The following RPH3A variants were observed in gnomAD, a reference collection of about 807,000 sequenced individuals.
RPH3A encodes the protein rabphilin 3A.
Under a neutral mutation model 102.2 loss-of-function variants are expected in RPH3A, and 48 were observed. The ratio of observed to expected loss-of-function variants is 0.47; its 90% CI spans 0.37 to 0.60. RPH3A has a LOEUF of 0.60. RPH3A is among the 20% of genes least tolerant of loss of function. The pLI, the probability that RPH3A is intolerant of heterozygous loss-of-function variation, is 0.00. For synonymous variants in RPH3A, 310 were observed against 324.3 expected (o/e 0.96, Z 0.47); for missense variants, 781 against 910.1 (o/e 0.86, Z 1.83).
chr12:112,722,832 G>A (rs1565860672), intron 1 of RPH3A, among the ~76,000 whole-genome samples: 1 of 152,206 alleles, frequency 6.6e-6, no homozygotes, highest in Non-Finnish European at 1.5e-5. Context: ...GTGACTTTGT[G>A]GGGCTGCCAT....
At chr12:112,888,153 C>T (rs2043035557) in intron 17 of RPH3A, among the ~76,000 whole-genome samples, 1 of 152,226 alleles carries the variant, frequency 6.6e-6, no homozygotes, top group Non-Finnish European at 1.5e-5. Context: ...TTCTTCTTGG[C>T]CAAACTGGAT....
chr12:112,727,458 GACACAC>G (rs60493848), intron 1 of RPH3A, among the ~76,000 whole-genome samples: 7 of 30,602 alleles, frequency 2.3e-4, no homozygotes, highest in African/African-American at 1.8e-3. Context: ...CACAGACACA[GACACAC>G]ACACACACAC....
chr12:112,739,597 G>A (rs2040694090), intron 1 of RPH3A, among the ~76,000 whole-genome samples: 2 of 152,204 alleles, frequency 1.3e-5, no homozygotes, highest in Non-Finnish European at 2.9e-5. Context: ...CATGAAAGGA[G>A]CTGTGGTTTA....
chr12:112,805,505 A>C (rs2041441739), intron 2 of RPH3A, among the ~76,000 whole-genome samples: 1 of 152,186 alleles, frequency 6.6e-6, no homozygotes, highest in Non-Finnish European at 1.5e-5. Flanking sequence ...GAGTTTCTCC[A>C]GTGAGGGGAC....
intron 1 of RPH3A, among the ~76,000 whole-genome samples, chr12:112,685,396 T>G (rs1230497532): frequency 6.6e-6 from 1 of 152,224 alleles, no homozygotes; most frequent in Non-Finnish European, 1.5e-5. Context: ...GGGATAATTG[T>G]ACTTAGTAAG....
At chr12:112,688,918 G>A (rs551954848) in intron 1 of RPH3A, among the ~76,000 whole-genome samples, 21 of 152,196 alleles carry the variant, frequency 1.4e-4, no homozygotes, top group Non-Finnish European at 2.9e-4. Context: ...GAGAGGGGAT[G>A]TATCTTATTC....
At chr12:112,821,961 G>A (rs1436238755) in intron 2 of RPH3A, among the ~76,000 whole-genome samples, 20 of 146,256 alleles carry the variant, frequency 1.4e-4, no homozygotes, top group African/African-American at 5.3e-4. Context: ...GATATTGATT[G>A]AATTTTACCC....
At chr12:112,757,047 A>G (rs1592982554) in intron 1 of RPH3A, among the ~76,000 whole-genome samples, 1 of 152,172 alleles carries the variant, frequency 6.6e-6, no homozygotes, top group East Asian at 1.9e-4. Context: ...TGAACTCTCT[A>G]TTCATTACCC....
intron 1 of RPH3A, among the ~76,000 whole-genome samples, chr12:112,591,035 C>T (rs931983496): frequency 6.6e-6 from 1 of 152,124 alleles, no homozygotes; most frequent in Non-Finnish European, 1.5e-5. Context: ...CTAGACTGGT[C>T]TTGCACTCCT....
chr12:112,727,442 T>A (rs1489169841), intron 1 of RPH3A, among the ~76,000 whole-genome samples: 1 of 93,824 alleles, frequency 1.1e-5, no homozygotes, highest in Non-Finnish European at 1.9e-5. Context: ...CACACATACA[T>A]ACACACACAG....
intron 2 of RPH3A, among the ~76,000 whole-genome samples, chr12:112,805,008 G>A (rs572992937): frequency 6.6e-6 from 1 of 152,062 alleles, no homozygotes; most frequent in African/African-American, 2.4e-5. Flanking sequence ...TGGGCAAAAT[G>A]TTGCCGACCG....
intron 1 of RPH3A, among the ~76,000 whole-genome samples, chr12:112,630,750 A>G (rs981696025): frequency 6.6e-6 from 1 of 152,176 alleles, no homozygotes; most frequent in Non-Finnish European, 1.5e-5. Context: ...TGCTCAATAC[A>G]TAATCGTTAA....
rs543193304 is a variant in RPH3A, at chr12:112,687,976, G to T, written c.-139-104167G>T. ...AATCATGCTGTGGTCTACCCCCAAGGCCCAAAAGGACAGCTCACAAAATAG... is the reference window on the plus strand; with the variant it reads ...AATCATGCTGTGGTCTACCCCCAAGTCCCAAAAGGACAGCTCACAAAATAG... On this transcript the variant is annotated intron_variant, in intron 1 of 21. Coordinates refer to the RPH3A transcript ENST00000543106. Among the ~76,000 whole-genome samples the T allele has an allele frequency of 2.0e-5, 3 of 152,230 alleles. No homozygotes were observed. In the South Asian group the frequency reaches 6.2e-4, roughly 32 times the overall value.
intron 1 of RPH3A, among the ~76,000 whole-genome samples, chr12:112,783,175 G>C (rs536778313): frequency 6.6e-6 from 1 of 152,144 alleles, no homozygotes; most frequent in Non-Finnish European, 1.5e-5. Context: ...GATATCTGTC[G>C]TGTCACGTTA....
chr12:112,575,326 C>CG (rs1452315379), intron 1 of RPH3A: 5 of 152,030 alleles, frequency 3.3e-5, no homozygotes, highest in Admixed American at 2.6e-4. Context: ...GCCGGTAAGG[C>CG]GGGCGGGGGC....
intron 1 of RPH3A, among the ~76,000 whole-genome samples, chr12:112,597,823 G>A (rs2135967003): frequency 6.6e-6 from 1 of 152,242 alleles, no homozygotes; most frequent in East Asian, 1.9e-4. Context: ...CATATAGAAG[G>A]AGCATAGACT....
At chr12:112,584,081 G>A (rs147426396) in intron 1 of RPH3A, among the ~76,000 whole-genome samples, 1 of 152,280 alleles carries the variant, frequency 6.6e-6, no homozygotes, top group East Asian at 1.9e-4. Context: ...CTAGGTTGGT[G>A]GGAGGGGACT....
chr12:112,616,908 C>T (rs893254185), intron 1 of RPH3A, among the ~76,000 whole-genome samples: 1 of 152,226 alleles, frequency 6.6e-6, no homozygotes, highest in Non-Finnish European at 1.5e-5. Context: ...GCTGGGAGAA[C>T]AGACTTTATC....
intron 5 of RPH3A, among the ~76,000 whole-genome samples, chr12:112,853,939 A>G (rs981060563): frequency 3.9e-5 from 6 of 152,358 alleles, no homozygotes; most frequent in African/African-American, 1.4e-4. Flanking sequence ...TAAGTGAACC[A>G]TAAACCCAAC....
Sources: allele counts gnomAD v4.1 joint callset (sites outside exome capture counted in the v4.1 genomes callset), GRCh38; gene constraint gnomAD v4.1.1; transcripts MANE v1.5; gene names NCBI Gene and HGNC (gene_info 2026-07-23, HGNC 2026-07-21).